MTAP: variants seen among roughly 807,000 people sequenced by gnomAD.
MTAP encodes methylthioadenosine phosphorylase.
Under a neutral mutation model 33.6 loss-of-function variants are expected in MTAP, and 33 were observed. The observed-to-expected ratio is 0.98, with a 90% CI of 0.74 to 1.31. The LOEUF (loss-of-function observed/expected upper bound fraction) is 1.31, where lower values mean the gene tolerates loss of function less well. MTAP is among the 40% of genes most tolerant of loss of function. MTAP has a pLI of 0.00. For missense variants in MTAP, 367 were observed against 360.0 expected (o/e 1.02, Z -0.16); for synonymous variants, 148 against 125.7 (o/e 1.18, Z -1.19).
intron 4 of MTAP, among the ~76,000 whole-genome samples, chr9:21,826,946 A>C (rs1406087320): frequency 1.3e-5 from 2 of 152,130 alleles, no homozygotes; most frequent in Non-Finnish European, 2.9e-5. Context: ...TGCACGTGGA[A>C]GGGATCTGTG....
At chr9:21,897,131 A>G (rs928666816) in intron 1 of MTAP, among the ~76,000 whole-genome samples, 4 of 152,206 alleles carry the variant, frequency 2.6e-5, no homozygotes, top group Admixed American at 6.5e-5. Flanking sequence ...GACAAAAACT[A>G]CATGATTATC....
In MTAP at chr9:21,816,529, A is replaced by G. The variant is rs7023329; in HGVS notation, c.121-185A>G. Among the ~76,000 whole-genome samples the G allele has an allele frequency of 0.49, 75,147 of 152,030 alleles. 18,764 individuals carry two copies. Among genetic ancestry groups the G allele is most frequent in the African/African-American group, 0.52 (21,619 of 41,458 alleles). Reference sequence around the variant, plus strand: ...TGGTAACCTTGAGTCCTGTGAATCTATGCCTGCAGAGGGATCAATAAGTAA... The same window carrying G: ...TGGTAACCTTGAGTCCTGTGAATCTGTGCCTGCAGAGGGATCAATAAGTAA... On this transcript the variant is annotated intron_variant, in intron 2 of 7. Coordinates refer to ENST00000644715, the MANE Select transcript of MTAP (RefSeq NM_002451.4).
chr9:21,815,706 G>A (rs1015173740), intron 2 of MTAP, 187 bp downstream of exon 2: 17 of 580,622 alleles, frequency 2.9e-5, no homozygotes, highest in East Asian at 9.4e-5. Context: ...TCTGATGGGC[G>A]CCTCACACTT....
chr9:21,822,930 A>C (rs1236649440), intron 4 of MTAP, among the ~76,000 whole-genome samples: 2 of 152,140 alleles, frequency 1.3e-5, no homozygotes, highest in African/African-American at 4.8e-5. Flanking sequence ...AGTCTGTTTT[A>C]TCAGAGACTA....
At chr9:21,908,056 A>G (rs2118834234) in intron 1 of MTAP, among the ~76,000 whole-genome samples, 1 of 152,326 alleles carries the variant, frequency 6.6e-6, no homozygotes, top group East Asian at 1.9e-4. Context: ...GTCAAGATAC[A>G]GAACATTTCA....
At chr9:21,887,127 A>G (rs888044807) in intron 1 of MTAP, among the ~76,000 whole-genome samples, 1 of 151,922 alleles carries the variant, frequency 6.6e-6, no homozygotes, top group Non-Finnish European at 1.5e-5. Context: ...TATTATTATT[A>G]TACTTTAAAT....
intron 5 of MTAP, among the ~76,000 whole-genome samples, chr9:21,846,286 A>G (rs7850937): frequency 0.26 from 38,927 of 152,146 alleles, 5,352 homozygotes; most frequent in East Asian, 0.41. Context: ...AAAATGCTTC[A>G]GCACAACAAC....
chr9:21,811,746 T>C, intron 1 of MTAP: 1 of 531,410 alleles, frequency 1.9e-6, no homozygotes. Flanking sequence ...ATCTCATCCA[T>C]GCCCTCGCCC....
At position 21,838,017 on chromosome 9, in the gene MTAP, A is replaced by C; in HGVS notation, c.450+7A>C. 1 of 1,610,944 alleles carries C rather than the reference A, an allele frequency of 6.2e-7. No individual in the cohort carries two copies. The highest frequency in any genetic ancestry group is 8.5e-7 in the Non-Finnish European group (1 of 1,177,102). ...TTGCCCCAAAACGAGAGAGGTGTGT[A>C]GTCTTTCTGGAAGGTGTACCAGAAT... On this transcript the variant is annotated splice_region_variant and intron_variant, in intron 5 of 7. Coordinates refer to ENST00000644715, the MANE Select transcript of MTAP (RefSeq NM_002451.4).
intron 1 of MTAP, among the ~76,000 whole-genome samples, chr9:21,809,980 T>C (rs1224919912): frequency 6.6e-6 from 1 of 152,258 alleles, no homozygotes; most frequent in Non-Finnish European, 1.5e-5. Flanking sequence ...TAGACTGATA[T>C]CTGTACTTCT....
intron 4 of MTAP, among the ~76,000 whole-genome samples, chr9:21,833,842 A>G (rs886618472): frequency 3.9e-5 from 6 of 152,216 alleles, no homozygotes; most frequent in African/African-American, 7.2e-5. Flanking sequence ...CTTCAAGCCA[A>G]TGTAAGAGTC....
At position 21,863,205 on chromosome 9, in the gene MTAP, G is replaced by A. The variant is rs909313615; in HGVS notation, c.*1191G>A. 24 of 965,584 alleles carry A rather than the reference G, an allele frequency of 2.5e-5. No individual in the cohort carries two copies. In the African/African-American group the frequency reaches 3.9e-4, roughly 16 times the overall value. The allele number at this position is 965,584 out of a possible 1,614,324, so 59.8% of individuals were successfully genotyped here. ...TCTGATATTTTAAAAAGTAATGTTT[G>A]ATTCTCCTTTTTATGAGTTAAATTA... On this transcript the variant is annotated 3_prime_UTR_variant, in exon 8 of 8. Coordinates refer to ENST00000644715, the MANE Select transcript of MTAP (RefSeq NM_002451.4).
At chr9:21,846,782 C>G (rs565315493) in intron 5 of MTAP, among the ~76,000 whole-genome samples, 2 of 152,302 alleles carry the variant, frequency 1.3e-5, no homozygotes, top group South Asian at 2.1e-4. Flanking sequence ...CTTGCACATG[C>G]ATGTTTATAG....
At chr9:21,871,746 T>G (rs912808587), downstream of MTAP, among the ~76,000 whole-genome samples, 51 of 152,156 alleles carry the variant, frequency 3.4e-4, 1 homozygote, top group Non-Finnish European at 5.7e-4. Flanking sequence ...ATATTTCCTG[T>G]TTTGTACTCC....
downstream of MTAP, among the ~76,000 whole-genome samples, chr9:21,939,673 G>C (rs544623261): frequency 2.0e-5 from 3 of 151,066 alleles, no homozygotes; most frequent in East Asian, 5.9e-4. Flanking sequence ...AGACCAGCAT[G>C]GCCAACATGG....
At chr9:21,892,272 T>C (rs573248416) in intron 1 of MTAP, 1 of 152,290 alleles carries the variant, frequency 6.6e-6, no homozygotes, top group African/African-American at 2.4e-5. Flanking sequence ...CACATAGTAA[T>C]ATTAACCTTG....
rs371408262 is a variant in MTAP, at chr9:21,851,761, T to G, written c.451-2870T>G. ...AAGGCTGACCTAGCCTTAATCTGGG[T>G]GGGTACAATCTAATCAGCTGCCAGC... On this transcript the variant is annotated intron_variant, in intron 5 of 7. Coordinates refer to ENST00000644715, the MANE Select transcript of MTAP (RefSeq NM_002451.4). 2.4e-3 allele frequency among the ~76,000 whole-genome samples: 366 copies of G among 152,244 alleles called. 3 individuals are homozygous for G. The highest frequency in any genetic ancestry group is 8.3e-3 in the African/African-American group (346 of 41,538).
chr9:21,924,121 C>T (rs758718883), intron 1 of MTAP, among the ~76,000 whole-genome samples: 1 of 152,152 alleles, frequency 6.6e-6, no homozygotes, highest in African/African-American at 2.4e-5. Context: ...TGAGATGGGA[C>T]ACAGGTTTGG....
intron 4 of MTAP, among the ~76,000 whole-genome samples, chr9:21,831,517 G>C (rs1215762875): frequency 6.6e-6 from 1 of 151,910 alleles, no homozygotes; most frequent in South Asian, 2.1e-4. Flanking sequence ...TAAGGAGATG[G>C]GGTCTCACTA....
Sources: allele counts gnomAD v4.1 joint callset (sites outside exome capture counted in the v4.1 genomes callset), GRCh38; gene constraint gnomAD v4.1.1; transcripts MANE v1.5; gene names NCBI Gene and HGNC (gene_info 2026-07-23, HGNC 2026-07-21).